Variants in MAPKAPK5 observed in about 807,000 individuals in gnomAD.
The protein encoded by MAPKAPK5 is MAP kinase-activated protein kinase 5.
A neutral mutation model predicts 65.1 loss-of-function variants in MAPKAPK5; 30 were observed. That is an observed-to-expected ratio of 0.46 (90% CI 0.34 to 0.63). MAPKAPK5 has a LOEUF of 0.63. MAPKAPK5 is among the 20% of genes least tolerant of loss of function. The probability of loss-of-function intolerance (pLI) is 0.01; values close to 1 mark genes in which losing one functional copy is unlikely to be tolerated. For synonymous variants in MAPKAPK5, 179 were observed against 204.6 expected, an observed-to-expected ratio of 0.87 and a Z score of 1.07; for missense variants, 433 against 581.4, an observed-to-expected ratio of 0.74 and a Z score of 2.63.
chr12:111,900,776 T>C lies in MAPKAPK5; in HGVS notation c.*7715T>C. The C allele has an allele frequency of 6.6e-6, 3 of 456,114 alleles. No homozygotes were observed. Among genetic ancestry groups the C allele is most frequent in the Middle Eastern group, 3.3e-4 (1 of 3,070 alleles). 28.3% of individuals were successfully genotyped at this position (456,114 alleles called of 1,614,324 possible). A position where few individuals can be genotyped will look rare whatever the true frequency, so the allele number is the denominator to read the frequency against. ...CCTGTGATCTCCCAGAATTTTGCAA[T>C]GGTACATCTGCATTATGCCCCAACA... On this transcript the variant is annotated 3_prime_UTR_variant, in exon 14 of 14. Coordinates refer to ENST00000550735, the MANE Select transcript of MAPKAPK5 (RefSeq NM_003668.4).
Position 111,900,963 on chromosome 12 carries a change from G to A in MAPKAPK5, c.*7902G>A. The A allele has an allele frequency of 4.4e-6, 2 of 456,090 alleles. No individual in the cohort carries two copies. The highest frequency in any genetic ancestry group is 8.8e-6 in the Non-Finnish European group (2 of 226,800). The allele number at this position is 456,090 out of a possible 1,614,324, so 28.3% of individuals were successfully genotyped here. A position where few individuals can be genotyped will look rare whatever the true frequency, so the allele number is the denominator to read the frequency against. On this transcript the variant is annotated 3_prime_UTR_variant, in exon 14 of 14. Transcript: ENST00000550735. ...AATGAACAGCAAAGGGGACCAATTT[G>A]GAAACTGTGGCATTTCTACCAGTCC...
intron 9 of MAPKAPK5, 200 bp from the exon 10 acceptor site, chr12:111,885,716 C>T: frequency 1.8e-6 from 1 of 542,660 alleles, no homozygotes; most frequent in Non-Finnish European, 3.2e-6. Context: ...TCACTTTTTC[C>T]AGTATACAAA....
rs1001074655 is a variant in MAPKAPK5, at chr12:111,897,494, T to C, written c.*4433T>C. On this transcript the variant is annotated 3_prime_UTR_variant, in exon 14 of 14. Coordinates refer to ENST00000550735, the MANE Select transcript of MAPKAPK5 (RefSeq NM_003668.4). Reference sequence around the variant, plus strand: ...AGTAGAGTGTTCTTCCATTATTGAATCTTCTTTTATCCCACCAAATGGCTT... The same window carrying C: ...AGTAGAGTGTTCTTCCATTATTGAACCTTCTTTTATCCCACCAAATGGCTT... 6.6e-6 allele frequency: 1 copy of C among 152,236 alleles called. No individual in the cohort carries two copies. The highest frequency in any genetic ancestry group is 1.5e-5 in the Non-Finnish European group (1 of 68,038). The allele number at this position is 152,236 out of a possible 1,614,324, so 9.4% of individuals were successfully genotyped here.
intron 9 of MAPKAPK5, among the ~76,000 whole-genome samples, chr12:111,884,052 T>C (rs1247250101): frequency 6.6e-6 from 1 of 152,200 alleles, no homozygotes; most frequent in Admixed American, 6.5e-5. Context: ...CCCTAAATTA[T>C]AGACCTGGTG....
rs567299141 is a variant in MAPKAPK5, at chr12:111,866,349, C to T, written c.186+118C>T. The T allele has an allele frequency of 3.3e-5, 25 of 758,440 alleles. No individual in the cohort carries two copies. The African/African-American group carries it at 3.7e-4, about 11-fold the overall frequency. The allele number at this position is 758,440 out of a possible 1,614,324, so 47.0% of individuals were successfully genotyped here. On this transcript the variant is annotated intron_variant, in intron 3 of 13. Transcript: ENST00000550735. ...ATGCATAAAAAGTTTTATGTCCAAA[C>T]TTTACCTCTCTTCCCCATTCATGCT... is the stretch of plus-strand genomic sequence containing the variant.
At chr12:111,846,392 C>T (rs2068906364) in intron 1 of MAPKAPK5, among the ~76,000 whole-genome samples, 1 of 152,192 alleles carries the variant, frequency 6.6e-6, no homozygotes, top group African/African-American at 2.4e-5. Flanking sequence ...TCTCATCCTC[C>T]CTTATCCACG....
At chr12:111,867,294 C>T (rs906509352) in intron 3 of MAPKAPK5, among the ~76,000 whole-genome samples, 1 of 152,122 alleles carries the variant, frequency 6.6e-6, no homozygotes, top group African/African-American at 2.4e-5. Context: ...TGAAGGACTT[C>T]TTTTGCATAA....
chr12:111,889,940 C>A (rs2070547878), intron 12 of MAPKAPK5, 100 bp from the exon 13 acceptor site: 2 of 731,650 alleles, frequency 2.7e-6, no homozygotes, highest in Admixed American at 2.2e-5. Context: ...ATTCAGTCAA[C>A]ATTTTTCAAC....
intron 1 of MAPKAPK5, among the ~76,000 whole-genome samples, chr12:111,855,859 T>C (rs557464399): frequency 1.3e-5 from 2 of 151,682 alleles, no homozygotes; most frequent in Admixed American, 6.6e-5. Context: ...ATTTCTTTTT[T>C]TTTTTTTTTT....
intron 7 of MAPKAPK5, among the ~76,000 whole-genome samples, chr12:111,874,552 A>G (rs1461570200): frequency 6.8e-6 from 1 of 148,012 alleles, no homozygotes; most frequent in East Asian, 2.0e-4. Flanking sequence ...GCTCACTGCA[A>G]CCTCTGCCTC....
chr12:111,872,414 T>G (rs1304674546), intron 7 of MAPKAPK5, among the ~76,000 whole-genome samples: 1 of 152,206 alleles, frequency 6.6e-6, no homozygotes, highest in Non-Finnish European at 1.5e-5. Flanking sequence ...CATTCTGTTG[T>G]AAGTATGGGC....
At chr12:111,878,605 G>A (rs1792257372) in intron 7 of MAPKAPK5, among the ~76,000 whole-genome samples, 1 of 151,920 alleles carries the variant, frequency 6.6e-6, no homozygotes, top group Non-Finnish European at 1.5e-5. Context: ...ATTTTTAGTA[G>A]AGACGGGGTT....
At chr12:111,844,197 G>GT (rs902570812) in intron 1 of MAPKAPK5, among the ~76,000 whole-genome samples, 2,717 of 140,438 alleles carry the variant, frequency 0.019, 68 homozygotes, top group African/African-American at 0.065. Context: ...TTTGGGTTTT[G>GT]TTTTTTTTTT....
intron 9 of MAPKAPK5, among the ~76,000 whole-genome samples, chr12:111,885,050 G>GT (rs1320242784): frequency 6.6e-6 from 1 of 152,214 alleles, no homozygotes; most frequent in African/African-American, 2.4e-5. Context: ...TCAATGTCCT[G>GT]TAAGTAGTTC....
At chr12:111,858,077 G>A (rs2069304013) in intron 1 of MAPKAPK5, among the ~76,000 whole-genome samples, 1 of 151,950 alleles carries the variant, frequency 6.6e-6, no homozygotes, top group South Asian at 2.1e-4. Flanking sequence ...GCTAAATTTT[G>A]TATTTTTTGT....
rs148095144 is a variant in MAPKAPK5 at position 111,880,992 on chromosome 12, C to T, written c.660+465C>T. ...CTTTGTTACCCCATAAAACACCCAGCTTAGAACAGTATCTGATACACATAG... is the reference window on the plus strand; with the variant it reads ...CTTTGTTACCCCATAAAACACCCAGTTTAGAACAGTATCTGATACACATAG... On this transcript the variant is annotated intron_variant, in intron 8 of 13. Transcript: ENST00000550735. 4.7e-3 allele frequency among the ~76,000 whole-genome samples: 709 copies of T among 152,290 alleles called. 7 individuals carry two copies. Among genetic ancestry groups the T allele is most frequent in the African/African-American group, 0.016 (648 of 41,552 alleles).
chr12:111,893,255 C>CTAT lies in MAPKAPK5; in HGVS notation c.*197_*199dup, dbSNP rs2070689285. On this transcript the variant is annotated 3_prime_UTR_variant, in exon 14 of 14. Transcript: ENST00000550735. ...AGAAAAGCTCAGTTCTAGAGACATA[C>CTAT]TATTACTTTAGGACTGTGTAGTTGT... 1 of 356,426 alleles carries CTAT rather than the reference C, an allele frequency of 2.8e-6. No individual in the cohort carries two copies. The highest frequency in any genetic ancestry group is 5.2e-6 in the Non-Finnish European group (1 of 193,178). The allele number at this position is 356,426 out of a possible 1,614,324, so 22.1% of individuals were successfully genotyped here. A position where few individuals can be genotyped will look rare whatever the true frequency, so the allele number is the denominator to read the frequency against.
At chr12:111,864,261 G>A (rs191319274) in intron 1 of MAPKAPK5, among the ~76,000 whole-genome samples, 6 of 151,968 alleles carry the variant, frequency 3.9e-5, no homozygotes, top group African/African-American at 1.2e-4. Context: ...GGTGACCCTC[G>A]GTCTTCTCGG....
Position 111,900,294 on chromosome 12 carries a change from G to A in MAPKAPK5, c.*7233G>A, listed in dbSNP as rs776872570. On this transcript the variant is annotated 3_prime_UTR_variant, in exon 14 of 14. Coordinates refer to ENST00000550735, the MANE Select transcript of MAPKAPK5 (RefSeq NM_003668.4). ...CTTTCTCAGTGGTGCCTGCTCAAGC[G>A]GTTTTGCGGCAGCTGTTGAATCCTT... 4.4e-6 allele frequency: 2 copies of A among 456,042 alleles called. No homozygotes were observed. Among genetic ancestry groups the A allele is most frequent in the South Asian group, 1.5e-5 (1 of 64,554 alleles). The allele number at this position is 456,042 out of a possible 1,614,324, so 28.2% of individuals were successfully genotyped here. A position where few individuals can be genotyped will look rare whatever the true frequency, so the allele number is the denominator to read the frequency against.
Sources: allele counts gnomAD v4.1 joint callset (sites outside exome capture counted in the v4.1 genomes callset), GRCh38; gene constraint gnomAD v4.1.1; transcripts MANE v1.5; gene names NCBI Gene and HGNC (gene_info 2026-07-23, HGNC 2026-07-21).